Variants in CUL5 observed in about 807,000 individuals in gnomAD.
CUL5 encodes cullin 5, also known as cullin-5.
A neutral mutation model predicts 108.8 loss-of-function variants in CUL5; 26 were observed. The ratio of observed to expected loss-of-function variants is 0.24; its 90% CI spans 0.18 to 0.33. CUL5 has a LOEUF of 0.33. Ranked by LOEUF, CUL5 falls within the 10% of genes least tolerant of loss-of-function variation. The pLI, the probability that CUL5 is intolerant of heterozygous loss-of-function variation, is 1.00. For missense variants in CUL5, 524 were observed against 909.2 expected, an observed-to-expected ratio of 0.58 and a Z score of 5.45; for synonymous variants, 334 against 298.0, an observed-to-expected ratio of 1.12 and a Z score of -1.25.
At chr11:108,102,249 C>T (rs577438388) in intron 18 of CUL5, among the ~76,000 whole-genome samples, 7 of 152,142 alleles carry the variant, frequency 4.6e-5, no homozygotes, top group Middle Eastern at 3.4e-3. Flanking sequence ...GGGCTGATCT[C>T]GAACTCCTGA....
Position 108,054,801 on chromosome 11 carries a change from G to C in CUL5, c.699+9G>C. 6.2e-7 allele frequency: 1 copy of C among 1,606,326 alleles called. No individual in the cohort carries two copies. The highest frequency in any genetic ancestry group is 2.2e-5 in the East Asian group (1 of 44,690). On this transcript the variant is annotated intron_variant, in intron 6 of 18. Transcript: ENST00000393094. Reference sequence around the variant, plus strand: ...AGAATTATATGAAATATGTAAGTTAGAACTTAGTATATGTGATAATTTGAG... The same window carrying C: ...AGAATTATATGAAATATGTAAGTTACAACTTAGTATATGTGATAATTTGAG...
intron 18 of CUL5, among the ~76,000 whole-genome samples, chr11:108,101,166 C>G (rs1565272720): frequency 6.6e-6 from 1 of 152,264 alleles, no homozygotes; most frequent in Non-Finnish European, 1.5e-5. Context: ...AGGTAATGCT[C>G]AGACTTTATT....
chr11:108,024,290 C>CTG (rs1862403571), intron 1 of CUL5, among the ~76,000 whole-genome samples: 3 of 152,198 alleles, frequency 2.0e-5, no homozygotes, highest in Admixed American at 1.3e-4. Flanking sequence ...GTGATCATGC[C>CTG]TGTAATCCTA....
intron 1 of CUL5, among the ~76,000 whole-genome samples, chr11:108,026,882 G>A (rs754137319): frequency 6.6e-6 from 1 of 151,376 alleles, no homozygotes; most frequent in East Asian, 1.9e-4. Context: ...CCAGCTACTC[G>A]GGAGGCTGAG....
At chr11:108,078,117 A>C (rs1863986456) in intron 10 of CUL5, 59 bp from the exon 11 acceptor site, 3 of 1,021,136 alleles carry the variant, frequency 2.9e-6, no homozygotes, top group Non-Finnish European at 4.3e-6. Flanking sequence ...GGGATGTATA[A>C]AAATTTATCT....
In CUL5 at chr11:108,054,937, A is replaced by G. The variant is rs780610258; in HGVS notation, c.762A>G (p.Glu254=). 2.9e-5 allele frequency: 47 copies of G among 1,605,814 alleles called. No individual in the cohort carries two copies. The highest frequency in any genetic ancestry group is 3.7e-5 in the Non-Finnish European group (43 of 1,177,584). The change falls in exon 7 of 19, where the codon GAA becomes GAG. Residue 254 remains glutamate (E), a synonymous_variant. Transcript: ENST00000393094. The part of the protein sequence containing the change: ...RALRYLETRR[E]CNSVEALMEC... ...TACGTTATTTAGAAACAAGACGAGA[A>G]TGTAACTCCGTTGAAGCAGTAAGTA...
rs1407624441 is a variant in CUL5 at position 108,052,779 on chromosome 11, T to G, written c.531T>G (p.Val177=). 1 of 1,613,734 alleles carries G rather than the reference T, an allele frequency of 6.2e-7. No homozygotes were observed. Among genetic ancestry groups the G allele is most frequent in the Non-Finnish European group, 8.5e-7 (1 of 1,179,820 alleles). The change falls in exon 5 of 19, where the codon GTT becomes GTG. Residue 177 remains valine (V), a synonymous_variant. Transcript: ENST00000393094. The stretch of plus-strand genomic sequence containing the variant: ...GAGAAGCTTTTGATTCTCAGCTGGT[T>G]ATTGGAGTAAGAGAATCCTATGGTA... The part of the protein sequence containing the change: ...RLGEAFDSQL[V]IGVRESYVNL...
At chr11:108,054,977 C>G in intron 7 of CUL5, 22 bp downstream of exon 7, 1 of 1,481,566 alleles carries the variant, frequency 6.7e-7, no homozygotes, top group Admixed American at 1.9e-5. Flanking sequence ...TGTAATTGTA[C>G]ATTTTATGGG....
intron 1 of CUL5, among the ~76,000 whole-genome samples, chr11:108,017,569 G>A (rs1862231133): frequency 6.6e-6 from 1 of 152,080 alleles, no homozygotes; most frequent in African/African-American, 2.4e-5. Flanking sequence ...AATGTTCAAG[G>A]CCGGATGCGG....
chr11:108,091,378 T>A (rs1334690909), intron 13 of CUL5, among the ~76,000 whole-genome samples: 1 of 144,906 alleles, frequency 6.9e-6, no homozygotes, highest in Non-Finnish European at 1.5e-5. Context: ...AAAAAAAAAA[T>A]ATCAAGACCC....
intron 18 of CUL5, among the ~76,000 whole-genome samples, chr11:108,103,962 C>T (rs540830076): frequency 1.3e-5 from 2 of 152,186 alleles, no homozygotes; most frequent in Admixed American, 1.3e-4. Context: ...CTCCCCTATC[C>T]CCCCACCCCA....
chr11:108,058,704 T>C (rs1027690558), intron 7 of CUL5, among the ~76,000 whole-genome samples: 29 of 152,074 alleles, frequency 1.9e-4, no homozygotes, highest in Non-Finnish European at 3.8e-4. Flanking sequence ...GATAGGGAAC[T>C]AGCCTTGTGA....
intron 11 of CUL5, among the ~76,000 whole-genome samples, chr11:108,083,969 A>G (rs949740264): frequency 2.6e-5 from 4 of 152,188 alleles, no homozygotes; most frequent in African/African-American, 7.2e-5. Context: ...TCCGTAAAAC[A>G]TTATGAGATT....
chr11:108,075,515 T>C (rs2135193552), intron 10 of CUL5, among the ~76,000 whole-genome samples: 1 of 152,256 alleles, frequency 6.6e-6, no homozygotes, highest in East Asian at 1.9e-4. Flanking sequence ...TGGCTTGGAA[T>C]TGGAAAATAA....
At chr11:108,038,421 C>T (rs551734557) in intron 2 of CUL5, among the ~76,000 whole-genome samples, 1 of 152,186 alleles carries the variant, frequency 6.6e-6, no homozygotes, top group South Asian at 2.1e-4. Flanking sequence ...GGTGTGGTGG[C>T]TCACACCTGT....
chr11:108,073,714 G>A (rs773684826), intron 10 of CUL5: 10 of 295,750 alleles, frequency 3.4e-5, no homozygotes, highest in Non-Finnish European at 5.6e-5. Flanking sequence ...TAGTTAGAAA[G>A]TTGCTTTTTT....
chr11:108,102,876 A>G (rs1260649615), intron 18 of CUL5, among the ~76,000 whole-genome samples: 1 of 151,914 alleles, frequency 6.6e-6, no homozygotes, highest in African/African-American at 2.4e-5. Context: ...GCTTACTGCA[A>G]CCTCCACCTC....
intron 4 of CUL5, 76 bp from the exon 5 acceptor site, chr11:108,052,583 CT>C (rs1193143093): frequency 3.7e-6 from 5 of 1,364,590 alleles, no homozygotes; most frequent in Admixed American, 2.0e-5. Context: ...ATTTGATTTC[CT>C]TTTTTGGTGT....
At chr11:108,010,199 G>T (rs1218934370) in intron 1 of CUL5, among the ~76,000 whole-genome samples, 1 of 152,260 alleles carries the variant, frequency 6.6e-6, no homozygotes, top group Non-Finnish European at 1.5e-5. Context: ...TGCCTTAAAA[G>T]TACGGACAGA....
Sources: allele counts gnomAD v4.1 joint callset (sites outside exome capture counted in the v4.1 genomes callset), GRCh38; gene constraint gnomAD v4.1.1; transcripts MANE v1.5; gene names NCBI Gene and HGNC (gene_info 2026-07-23, HGNC 2026-07-21).